RNF146: variants seen among roughly 807,000 people sequenced by gnomAD.
The protein encoded by RNF146 is E3 ubiquitin-protein ligase RNF146.
RNF146 carries 11 observed loss-of-function variants against 29.7 expected under a neutral mutation model. That is an observed-to-expected ratio of 0.37 (90% CI 0.23 to 0.61). RNF146 has a LOEUF of 0.61. RNF146 is among the 20% of genes least tolerant of loss of function. The probability of loss-of-function intolerance (pLI) is 0.66; values close to 1 mark genes in which losing one functional copy is unlikely to be tolerated. For missense variants in RNF146, 342 were observed against 438.9 expected (o/e 0.78, Z 1.97); for synonymous variants, 150 against 159.7 (o/e 0.94, Z 0.46).
At chr6:127,282,472 T>C (rs545888086) in intron 2 of RNF146, 12 of 151,670 alleles carry the variant, frequency 7.9e-5, no homozygotes, top group African/African-American at 1.2e-4. Flanking sequence ...CATCTACCTA[T>C]CTCCACCTGG....
In RNF146 at chr6:127,288,457, T is replaced by A. The variant is rs1779805113; in HGVS notation, c.*764T>A. 1.2e-5 allele frequency: 2 copies of A among 166,938 alleles called. No individual in the cohort carries two copies. Among genetic ancestry groups the A allele is most frequent in the African/African-American group, 2.4e-5 (1 of 41,410 alleles). The allele number at this position is 166,938 out of a possible 1,614,324, so 10.3% of individuals were successfully genotyped here. A position where few individuals can be genotyped will look rare whatever the true frequency, so the allele number is the denominator to read the frequency against. ...AAAAAGTGGTGGTTTTAATTGGTTGTTTTCAGCTTAATCACCTGCTCAGAA... is the reference window on the plus strand; with the variant it reads ...AAAAAGTGGTGGTTTTAATTGGTTGATTTCAGCTTAATCACCTGCTCAGAA... On this transcript the variant is annotated 3_prime_UTR_variant, in exon 3 of 3. Coordinates refer to ENST00000368314, the MANE Select transcript of RNF146 (RefSeq NM_001242850.2).
Position 127,286,974 on chromosome 6 carries a change from A to G in RNF146, c.361A>G (p.Thr121Ala), listed in dbSNP as rs1779598543. 3 of 1,613,344 alleles carry G rather than the reference A, an allele frequency of 1.9e-6. No individual in the cohort carries two copies. The highest frequency in any genetic ancestry group is 2.2e-5 in the East Asian group (1 of 44,846). ...RNGWWQYDER[T>A]SRELEDAFSK... ...TGGGTGGTGGCAGTACGATGAGCGCACTAGTAGAGAGCTGGAAGATGCTTT... is the reference window on the plus strand; with the variant it reads ...TGGGTGGTGGCAGTACGATGAGCGCGCTAGTAGAGAGCTGGAAGATGCTTT... Residue 121 changes from threonine to alanine, a missense_variant, in exon 3 of 3, where the codon ACT becomes GCT. Transcript: ENST00000368314. The surrounding 1 kb of genome is among the most constrained non-coding windows in gnomAD (Gnocchi z 4.6).
intron 1 of RNF146, among the ~76,000 whole-genome samples, chr6:127,276,034 G>T (rs1237962294): frequency 2.6e-5 from 4 of 151,958 alleles, no homozygotes. Flanking sequence ...AAATATATCA[G>T]TCAGTCCTAG....
At chr6:127,272,495 A>C (rs771092790) in intron 1 of RNF146, among the ~76,000 whole-genome samples, 4 of 152,164 alleles carry the variant, frequency 2.6e-5, no homozygotes, top group Non-Finnish European at 5.9e-5. Context: ...AAAGCATGCA[A>C]GATTTACTAA....
chr6:127,273,054 C>A (rs1224674802), intron 1 of RNF146, among the ~76,000 whole-genome samples: 1 of 79,772 alleles, frequency 1.3e-5, no homozygotes, highest in African/African-American at 4.3e-5. Flanking sequence ...AATTTAACTT[C>A]TTGTAATGGC....
intron 2 of RNF146, 184 bp downstream of exon 2, chr6:127,280,524 G>A: frequency 8.0e-7 from 1 of 1,255,884 alleles, no homozygotes; most frequent in Non-Finnish European, 1.0e-6. Flanking sequence ...AGATTTCCAA[G>A]TCTCCTCAAA....
chr6:127,266,799 G>C (rs1007547584), upstream of RNF146: 1 of 151,784 alleles, frequency 6.6e-6, no homozygotes, highest in Admixed American at 6.6e-5. Context: ...CGGGTGCGCG[G>C]CGCGTCGCGG....
At chr6:127,284,617 T>C (rs1201572722) in intron 2 of RNF146, among the ~76,000 whole-genome samples, 1 of 151,884 alleles carries the variant, frequency 6.6e-6, no homozygotes, top group East Asian at 1.9e-4. Flanking sequence ...GGGGAGGAAA[T>C]AGGCAGGGAA....
At chr6:127,280,014 G>A (rs568388754) in intron 1 of RNF146, among the ~76,000 whole-genome samples, 2 of 151,754 alleles carry the variant, frequency 1.3e-5, no homozygotes, top group Admixed American at 1.3e-4. Context: ...AATAGACATA[G>A]TTTTACTTCC....
chr6:127,280,970 T>A (rs181457318), intron 2 of RNF146, among the ~76,000 whole-genome samples: 8 of 151,864 alleles, frequency 5.3e-5, no homozygotes, highest in Admixed American at 5.3e-4. Context: ...TAAATTCATA[T>A]AAGCCCTATG....
At chr6:127,280,632 A>T (rs1778798749) in intron 2 of RNF146, 1 of 978,630 alleles carries the variant, frequency 1.0e-6, no homozygotes, top group Admixed American at 5.1e-5. Flanking sequence ...TTCTTTTTAC[A>T]TAATAATTTT....
chr6:127,279,859 TTTC>T (rs1208608504), intron 1 of RNF146, among the ~76,000 whole-genome samples: 2 of 151,834 alleles, frequency 1.3e-5, no homozygotes, highest in Non-Finnish European at 2.9e-5. Flanking sequence ...AATGAACTGT[TTTC>T]TTGATTTCTT....
Position 127,287,527 on chromosome 6 carries a change from A to AGCACTCCTT in RNF146, c.916_924dup (p.His306_Leu308dup), listed in dbSNP as rs776982531. 1.2e-6 allele frequency: 2 copies of AGCACTCCTT among 1,613,260 alleles called. No individual in the cohort carries two copies. The highest frequency in any genetic ancestry group is 2.2e-5 in the South Asian group (2 of 91,068). ...GAGGATGTATCTGCAGTTGTTGCAC[A>AGCACTCCTT]GCACTCCTTGACCCAACAGAGACTT... On this transcript the variant is annotated inframe_insertion, in exon 3 of 3. Coordinates refer to ENST00000368314, the MANE Select transcript of RNF146 (RefSeq NM_001242850.2).
chr6:127,284,106 G>A (rs1309429915), intron 2 of RNF146, among the ~76,000 whole-genome samples: 3 of 151,618 alleles, frequency 2.0e-5, no homozygotes, highest in Non-Finnish European at 4.4e-5. Flanking sequence ...GTAGATAAAC[G>A]AGCTGTATGT....
At chr6:127,280,080 T>TA (rs1778736700) in intron 1 of RNF146, among the ~76,000 whole-genome samples, 151 bp from the exon 2 acceptor site, 1 of 151,878 alleles carries the variant, frequency 6.6e-6, no homozygotes, top group Admixed American at 6.6e-5. Context: ...TGCTAGAACT[T>TA]ACAGTCATGT....
intron 1 of RNF146, among the ~76,000 whole-genome samples, chr6:127,277,986 T>A (rs1458079106): frequency 2.0e-5 from 3 of 152,096 alleles, no homozygotes. Context: ...TAAGAATATG[T>A]TTCTTTAAAC....
At chr6:127,285,072 G>A in intron 2 of RNF146, 1 of 394,786 alleles carries the variant, frequency 2.5e-6, no homozygotes, top group Middle Eastern at 1.3e-3. Flanking sequence ...GAATTGATTG[G>A]AAATGTTATT....
intron 1 of RNF146, among the ~76,000 whole-genome samples, chr6:127,273,961 A>G (rs895010813): frequency 6.6e-6 from 1 of 152,110 alleles, no homozygotes; most frequent in Non-Finnish European, 1.5e-5. Context: ...GAAAGTTTAT[A>G]TTGATGGAAA....
rs78227384 is a variant in RNF146 at position 127,284,287 on chromosome 6, C to T, written c.3-2329C>T. On this transcript the variant is annotated intron_variant, in intron 2 of 2. Coordinates refer to ENST00000368314, the MANE Select transcript of RNF146 (RefSeq NM_001242850.2). ...TCAGTTTATGATCCTGTCCTTTGTT[C>T]ATAAGGTACTTAGATGGTTTAAGAT... Among the ~76,000 whole-genome samples the T allele has an allele frequency of 4.1e-4, 63 of 151,890 alleles. No homozygotes were observed. In the East Asian group the frequency reaches 0.011, roughly 27 times the overall value.
Sources: allele counts gnomAD v4.1 joint callset (sites outside exome capture counted in the v4.1 genomes callset), GRCh38; gene constraint gnomAD v4.1.1; non-coding constraint Gnocchi (gnomAD v3.1); transcripts MANE v1.5; gene names NCBI Gene and HGNC (gene_info 2026-07-23, HGNC 2026-07-21).